The following BLMH variants were observed in gnomAD, a reference collection of about 807,000 sequenced individuals.
The protein encoded by BLMH is bleomycin hydrolase.
In BLMH, 32 loss-of-function variants were observed where a neutral mutation model predicts 61.6. The ratio of observed to expected loss-of-function variants is 0.52; its 90% CI spans 0.39 to 0.70. The LOEUF is 0.70. BLMH is among the 30% of genes least tolerant of loss of function. The pLI is 0.00. For synonymous variants in BLMH, 183 were observed against 193.8 expected, an observed-to-expected ratio of 0.94 and a Z score of 0.46; for missense variants, 460 against 555.5, an observed-to-expected ratio of 0.83 and a Z score of 1.73.
chr17:30,291,012 T>A (rs1004664393), intron 2 of BLMH: 2 of 366,382 alleles, frequency 5.5e-6, no homozygotes, highest in African/African-American at 4.0e-5. Context: ...AGACCATACA[T>A]CTCCAAGACA....
At chr17:30,289,098 T>C (rs1019613301) in intron 3 of BLMH, among the ~76,000 whole-genome samples, 1 of 152,084 alleles carries the variant, frequency 6.6e-6, no homozygotes, top group African/African-American at 2.4e-5. Context: ...ATATATTGAA[T>C]TGAATATTGA....
Position 30,249,077 on chromosome 17 carries a change from C to T in BLMH, c.1308G>A (p.Val436=), listed in dbSNP as rs746289577. Residue 436 remains valine (V), a synonymous_variant, in exon 12 of 12, where the codon GTG becomes GTA. Coordinates refer to ENST00000261714, the MANE Select transcript of BLMH (RefSeq NM_000386.4). ...GCAGGATAATGGGTTCCTGCTCTAA[C>T]ACAGCTAGCACCTCTTCAGGGACAT... ...RKHVPEEVLA[V]LEQEPIILPA... 6.2e-7 allele frequency: 1 copy of T among 1,614,000 alleles called. No individual in the cohort carries two copies. The highest frequency in any genetic ancestry group is 8.5e-7 in the Non-Finnish European group (1 of 1,179,984).
intron 6 of BLMH, among the ~76,000 whole-genome samples, chr17:30,274,755 G>C (rs1454136778): frequency 6.6e-6 from 1 of 152,098 alleles, no homozygotes; most frequent in Non-Finnish European, 1.5e-5. Flanking sequence ...GCTGAGGTTG[G>C]AGGATCCCTT....
chr17:30,272,447 CT>C lies in BLMH; in HGVS notation c.1028+113del, dbSNP rs1908302784. Reference sequence around the variant, plus strand: ...AAGGATGCAAAGAAAGAGACGCGCCCTTAGGTCAACCTTCATCTTTGGATGA... The same window carrying C: ...AAGGATGCAAAGAAAGAGACGCGCCCTAGGTCAACCTTCATCTTTGGATGA... On this transcript the variant is annotated intron_variant, in intron 9 of 11. Coordinates refer to ENST00000261714, the MANE Select transcript of BLMH (RefSeq NM_000386.4). The C allele has an allele frequency of 6.8e-6, 8 of 1,179,568 alleles. No homozygotes were observed. In the Admixed American group the frequency reaches 1.4e-4, roughly 20 times the overall value. 73.1% of individuals were successfully genotyped at this position (1,179,568 alleles called of 1,614,324 possible).
chr17:30,249,256 C>T lies in BLMH; in HGVS notation c.1217-88G>A, dbSNP rs1025384495. The T allele has an allele frequency of 4.5e-6, 6 of 1,336,586 alleles. No individual in the cohort carries two copies. In the African/African-American group the frequency reaches 8.9e-5, roughly 20 times the overall value. The allele number at this position is 1,336,586 out of a possible 1,614,324, so 82.8% of individuals were successfully genotyped here. ...TTTGTAGGATAAACCTTTTACAAAA[C>T]TAATATTCATACATATTTTTCAGCT... is the stretch of plus-strand genomic sequence containing the variant. On this transcript the variant is annotated intron_variant, in intron 11 of 11. Transcript: ENST00000261714.
intron 6 of BLMH, among the ~76,000 whole-genome samples, chr17:30,277,970 T>C (rs1908467136): frequency 6.6e-6 from 1 of 151,524 alleles, no homozygotes; most frequent in Non-Finnish European, 1.5e-5. Context: ...ACTTGAGACA[T>C]GTTGCATTGT....
chr17:30,278,135 T>G (rs1051072426), intron 6 of BLMH, among the ~76,000 whole-genome samples: 1 of 152,142 alleles, frequency 6.6e-6, no homozygotes, highest in Non-Finnish European at 1.5e-5. Context: ...AAAGAATAAT[T>G]TCCATGGTCT....
intron 11 of BLMH, among the ~76,000 whole-genome samples, chr17:30,260,037 A>T (rs1295308984): frequency 6.6e-6 from 1 of 152,190 alleles, no homozygotes; most frequent in Admixed American, 6.5e-5. Context: ...AACATTAACA[A>T]CAGTAGCAAT....
intron 9 of BLMH, chr17:30,272,313 C>A: frequency 1.9e-6 from 1 of 529,610 alleles, no homozygotes. Flanking sequence ...TAGAGGATGG[C>A]TTTTTAGGAA....
intron 6 of BLMH, among the ~76,000 whole-genome samples, chr17:30,274,843 G>A (rs141665446): frequency 6.6e-6 from 1 of 152,112 alleles, no homozygotes; most frequent in East Asian, 1.9e-4. Flanking sequence ...GCTGGACGTG[G>A]TGGCTCATGC....
At position 30,265,586 on chromosome 17, in the gene BLMH, T is replaced by C. The variant is rs540586782; in HGVS notation, c.1216+1299A>G. 5.9e-5 allele frequency among the ~76,000 whole-genome samples: 9 copies of C among 152,284 alleles called. No individual in the cohort carries two copies. The South Asian group carries it at 1.9e-3, about 32-fold the overall frequency. ...CCTGGCTAATTCCTGTTGGGTAAAA[T>C]GTATGCTCAAGTTTGTTTCCAAATA... is the stretch of plus-strand genomic sequence containing the variant. On this transcript the variant is annotated intron_variant, in intron 11 of 11. Transcript: ENST00000261714.
intron 9 of BLMH, 161 bp downstream of exon 9, chr17:30,272,400 T>C (rs1438414223): frequency 1.3e-6 from 1 of 755,206 alleles, no homozygotes; most frequent in Non-Finnish European, 2.3e-6. Context: ...GTGGAGTTTC[T>C]GCTATGAGTC....
At chr17:30,272,486 T>C (rs1434147493) in intron 9 of BLMH, 75 bp downstream of exon 9, 1 of 1,535,738 alleles carries the variant, frequency 6.5e-7, no homozygotes, top group Non-Finnish European at 9.0e-7. Context: ...CTCGGCAGAG[T>C]CATTTTGTAC....
At chr17:30,267,332 G>C (rs1908139105) in intron 10 of BLMH, among the ~76,000 whole-genome samples, 1 of 152,092 alleles carries the variant, frequency 6.6e-6, no homozygotes, top group African/African-American at 2.4e-5. Context: ...GGGGATTCTT[G>C]CTTTTAATCA....
chr17:30,288,165 C>T (rs1908783751), intron 3 of BLMH: 2 of 436,012 alleles, frequency 4.6e-6, no homozygotes, highest in African/African-American at 4.0e-5. Flanking sequence ...ACTTACGATG[C>T]TGAAACAAGC....
intron 11 of BLMH, among the ~76,000 whole-genome samples, chr17:30,265,770 T>C (rs934106524): frequency 2.0e-5 from 3 of 152,166 alleles, no homozygotes; most frequent in Non-Finnish European, 4.4e-5. Flanking sequence ...CCAGCACACA[T>C]GAATCTACAT....
intron 11 of BLMH, among the ~76,000 whole-genome samples, chr17:30,251,231 G>C (rs1907659294): frequency 6.6e-6 from 1 of 151,860 alleles, no homozygotes; most frequent in South Asian, 2.1e-4. Context: ...AAAAACTACT[G>C]AAAGTTAAAA....
At chr17:30,291,753 C>A in intron 1 of BLMH, 54 bp downstream of exon 1, 1 of 1,422,522 alleles carries the variant, frequency 7.0e-7, no homozygotes, top group South Asian at 1.5e-5. Context: ...CCGGGCCTCA[C>A]GGGGACCGCG....
intron 6 of BLMH, among the ~76,000 whole-genome samples, chr17:30,278,057 G>A (rs1390455190): frequency 6.6e-6 from 1 of 152,004 alleles, no homozygotes; most frequent in African/African-American, 2.4e-5. Flanking sequence ...CACTTTGGAA[G>A]GAATATCTGA....
Sources: allele counts gnomAD v4.1 joint callset (sites outside exome capture counted in the v4.1 genomes callset), GRCh38; gene constraint gnomAD v4.1.1; transcripts MANE v1.5; gene names NCBI Gene and HGNC (gene_info 2026-07-23, HGNC 2026-07-21).